The following ZNF701 variants were observed in gnomAD, a reference collection of about 807,000 sequenced individuals.
ZNF701 encodes zinc finger protein 701.
Under a neutral mutation model 7.1 loss-of-function variants are expected in ZNF701, and 6 were observed. The observed-to-expected ratio is 0.84, with a 90% CI of 0.46 to 1.66. The LOEUF (loss-of-function observed/expected upper bound fraction) is 1.66. Ranked by LOEUF, ZNF701 falls within the 40% of genes most tolerant of loss-of-function variation. ZNF701 has a pLI of 0.01. For missense variants in ZNF701, 541 were observed against 559.2 expected (o/e 0.97, Z 0.33); for synonymous variants, 166 against 188.2 (o/e 0.88, Z 0.97).
In ZNF701 at chr19:52,582,459, A is replaced by C; in HGVS notation, c.400A>C (p.Lys134Gln). ...ACATGATCAAAGGCATGCTGGAAAC[A>C]AACCTATTAAAAATGAGCTTGGATC... ...ERHDQRHAGN[K>Q]PIKNELGSSF... Residue 134 changes from lysine to glutamine, a missense_variant, in exon 4 of 4, where the codon AAA becomes CAA. Coordinates refer to ENST00000391785, the MANE Select transcript of ZNF701 (RefSeq NM_018260.3). 1 of 1,614,224 alleles carries C rather than the reference A, an allele frequency of 6.2e-7. No individual in the cohort carries two copies. The highest frequency in any genetic ancestry group is 8.5e-7 in the Non-Finnish European group (1 of 1,180,040).
At chr19:52,579,821 C>G (rs1035246563) in intron 3 of ZNF701, among the ~76,000 whole-genome samples, 8 of 140,208 alleles carry the variant, frequency 5.7e-5, no homozygotes, top group Non-Finnish European at 3.0e-5. Context: ...TTGCAGTGAG[C>G]TGAGATCGCA....
At chr19:52,571,132 G>A (rs1443600517) in intron 1 of ZNF701, among the ~76,000 whole-genome samples, 1 of 151,910 alleles carries the variant, frequency 6.6e-6, no homozygotes, top group Non-Finnish European at 1.5e-5. Flanking sequence ...AGCAGGAGGA[G>A]AAAAGCAACT....
At position 52,579,380 on chromosome 19, in the gene ZNF701, G is replaced by A. The variant is rs921247724; in HGVS notation, c.143-2822G>A. On this transcript the variant is annotated intron_variant, in intron 3 of 3. Coordinates refer to ENST00000391785, the MANE Select transcript of ZNF701 (RefSeq NM_018260.3). Reference sequence around the variant, plus strand: ...CTCTACTAAAAATACAAAATTAGCCGGGTGTGGTGGCGGGCACTTGTAATC... The same window carrying A: ...CTCTACTAAAAATACAAAATTAGCCAGGTGTGGTGGCGGGCACTTGTAATC... 4.3e-5 allele frequency among the ~76,000 whole-genome samples: 6 copies of A among 140,884 alleles called. 1 individual carries two copies. The highest frequency in any genetic ancestry group is 9.4e-5 in the African/African-American group (3 of 31,856). 92.4% of individuals were successfully genotyped at this position (140,884 alleles called of 152,430 possible). A position where few individuals can be genotyped will look rare whatever the true frequency, so the allele number is the denominator to read the frequency against.
Position 52,582,311 on chromosome 19 carries a change from T to C in ZNF701, c.252T>C (p.Asp84=). Residue 84 remains aspartate (D), a synonymous_variant, in exon 4 of 4, where the codon GAT becomes GAC. Coordinates refer to ENST00000391785, the MANE Select transcript of ZNF701 (RefSeq NM_018260.3). ...TACATGCAAGTCATCACATTGGAGA[T>C]ACTTGCTTCCAGGAAATTGAGAAAG... ...LQIHASHHIG[D]TCFQEIEKDI... The C allele has an allele frequency of 6.2e-7, 1 of 1,614,088 alleles. No homozygotes were observed. The highest frequency in any genetic ancestry group is 2.2e-5 in the East Asian group (1 of 44,882).
the ZNF701 span, chr19:52,596,729 C>A: frequency 2.0e-6 from 1 of 504,844 alleles, no homozygotes; most frequent in South Asian, 1.5e-5. Flanking sequence ...GACCTTTGCT[C>A]AAAATTCAGC....
chr19:52,577,131 A>G (rs1014867609), intron 3 of ZNF701, among the ~76,000 whole-genome samples: 1 of 152,190 alleles, frequency 6.6e-6, no homozygotes, highest in East Asian at 1.9e-4. Context: ...AAAGAGTCTC[A>G]CTGTGTTGCC....
At position 52,585,028 on chromosome 19, in the gene ZNF701, A is replaced by T. The variant is rs1156425654; in HGVS notation, c.*1571A>T. On this transcript the variant is annotated 3_prime_UTR_variant, in exon 4 of 4. Coordinates refer to ENST00000391785, the MANE Select transcript of ZNF701 (RefSeq NM_018260.3). ...ACCGGGGACGTGGGTGTCTCCACAG[A>T]CCTGGAAATTCCGGCCCCTCTTTCT... The T allele has an allele frequency of 6.6e-6, 1 of 152,138 alleles. No homozygotes were observed. Among genetic ancestry groups the T allele is most frequent in the Non-Finnish European group, 1.5e-5 (1 of 68,044 alleles). The allele number at this position is 152,138 out of a possible 1,614,324, so 9.4% of individuals were successfully genotyped here. A position where few individuals can be genotyped will look rare whatever the true frequency, so the allele number is the denominator to read the frequency against.
At chr19:52,595,717 C>A in the ZNF701 span, 1 of 1,535,478 alleles carries the variant, frequency 6.5e-7, no homozygotes, top group South Asian at 1.1e-5. Flanking sequence ...AAAGTCATCA[C>A]ACTGGAGATT....
downstream of ZNF701, among the ~76,000 whole-genome samples, chr19:52,589,543 G>A (rs1294044337): frequency 1.4e-5 from 2 of 146,996 alleles, no homozygotes; most frequent in African/African-American, 5.1e-5. Flanking sequence ...GTAATGGCAC[G>A]ATCTTGGCTG....
chr19:52,590,663 G>C (rs77074360), downstream of ZNF701, among the ~76,000 whole-genome samples: 1 of 152,074 alleles, frequency 6.6e-6, no homozygotes, highest in East Asian at 1.9e-4. Context: ...TACAATCTTG[G>C]GTCACTTTAT....
chr19:52,597,310 A>G, the ZNF701 span: 1 of 543,388 alleles, frequency 1.8e-6, no homozygotes, highest in East Asian at 5.0e-5. Context: ...CTCATTAGAC[A>G]TCAGAGAATC....
At chr19:52,578,609 C>T (rs990771722) in intron 3 of ZNF701, among the ~76,000 whole-genome samples, 1 of 152,200 alleles carries the variant, frequency 6.6e-6, no homozygotes, top group African/African-American at 2.4e-5. Context: ...CAGGGCTGGA[C>T]CCTACACCAA....
chr19:52,596,119 A>G, the ZNF701 span: 10 of 907,910 alleles, frequency 1.1e-5, no homozygotes, highest in African/African-American at 9.9e-5. Context: ...AACCTTTCCA[A>G]TGTAATGAGT....
At position 52,587,089 on chromosome 19, in the gene ZNF701, A is replaced by G. The variant is rs1318277177; in HGVS notation, c.*3632A>G. The stretch of plus-strand genomic sequence containing the variant: ...TCCCTTACAGTCCTACACATCTCAG[A>G]TGAGGGTGACAGTGTACTTCTGGGT... On this transcript the variant is annotated 3_prime_UTR_variant, in exon 4 of 4. Transcript: ENST00000391785. 6.6e-6 allele frequency: 1 copy of G among 152,140 alleles called. No individual in the cohort carries two copies. Among genetic ancestry groups the G allele is most frequent in the African/African-American group, 2.4e-5 (1 of 41,444 alleles). 9.4% of individuals were successfully genotyped at this position (152,140 alleles called of 1,614,324 possible).
chr19:52,574,916 A>G lies in ZNF701; in HGVS notation c.15+754A>G, dbSNP rs2059923260. On this transcript the variant is annotated intron_variant, in intron 2 of 3. Coordinates refer to ENST00000391785, the MANE Select transcript of ZNF701 (RefSeq NM_018260.3). ...GCTGCCAAATTATCCTTTTCCACCA[A>G]GATGAGATTCCTCTTCAGTTAAACA... Among the ~76,000 whole-genome samples the G allele has an allele frequency of 3.3e-5, 5 of 152,180 alleles. No homozygotes were observed. The South Asian group carries it at 1.0e-3, about 31-fold the overall frequency.
In ZNF701 at chr19:52,583,415, C is replaced by T. The variant is rs777719773; in HGVS notation, c.1356C>T (p.Asn452=). 1.9e-6 allele frequency: 3 copies of T among 1,613,424 alleles called. No homozygotes were observed. The highest frequency in any genetic ancestry group is 2.5e-6 in the Non-Finnish European group (3 of 1,179,740). ...GCAAGGTTTTTAATCGAAAATCAAA[C>T]CTTGAACGTCATCATAGACTTCATA... ...ECGKVFNRKS[N]LERHHRLHTG... The change falls in exon 4 of 4, where the codon AAC becomes AAT. Residue 452 remains asparagine, a synonymous_variant. Coordinates refer to ENST00000391785, the MANE Select transcript of ZNF701 (RefSeq NM_018260.3).
the ZNF701 span, chr19:52,597,096 A>G: frequency 1.8e-6 from 2 of 1,114,742 alleles, no homozygotes; most frequent in South Asian, 2.4e-5. Flanking sequence ...TTACAAGTGT[A>G]ATAAATGTGG....
chr19:52,576,172 T>A (rs1469245550), intron 3 of ZNF701, 151 bp downstream of exon 3: 6 of 1,511,734 alleles, frequency 4.0e-6, no homozygotes, highest in Non-Finnish European at 5.3e-6. Flanking sequence ...GCATCTGGAC[T>A]TTCACTGTCC....
At chr19:52,571,269 C>G (rs2059897100) in intron 1 of ZNF701, among the ~76,000 whole-genome samples, 1 of 150,784 alleles carries the variant, frequency 6.6e-6, no homozygotes, top group South Asian at 2.1e-4. Flanking sequence ...AATTTGGAGC[C>G]AGGGCAGACA....
Sources: allele counts gnomAD v4.1 joint callset (sites outside exome capture counted in the v4.1 genomes callset), GRCh38; gene constraint gnomAD v4.1.1; transcripts MANE v1.5; gene names NCBI Gene and HGNC (gene_info 2026-07-23, HGNC 2026-07-21).